The following KLHL2 variants were observed in gnomAD, a reference collection of about 807,000 sequenced individuals.
KLHL2 encodes kelch-like protein 2.
A neutral mutation model predicts 75.8 loss-of-function variants in KLHL2; 15 were observed. The observed-to-expected ratio is 0.20, with a 90% confidence interval of 0.13 to 0.30. The LOEUF is 0.30. KLHL2 is among the 10% of genes least tolerant of loss of function. The pLI, the probability that KLHL2 is intolerant of heterozygous loss-of-function variation, is 1.00. For synonymous variants in KLHL2, 214 were observed against 251.9 expected, an observed-to-expected ratio of 0.85 and a Z score of 1.42; for missense variants, 381 against 741.0, an observed-to-expected ratio of 0.51 and a Z score of 5.64.
chr4:165,284,016 C>T (rs559937097), intron 5 of KLHL2, among the ~76,000 whole-genome samples: 1 of 152,292 alleles, frequency 6.6e-6, no homozygotes, highest in African/African-American at 2.4e-5. Context: ...GGCTGGGACA[C>T]AGGGCACCGT....
chr4:165,210,284 A>G (rs1737118429), intron 1 of KLHL2: 1 of 1,122,266 alleles, frequency 8.9e-7, no homozygotes, highest in Admixed American at 2.0e-5. Context: ...TTTAACATCC[A>G]AATTTACATT....
At position 165,226,982 on chromosome 4, in the gene KLHL2, ACT is replaced by A. The variant is rs1738492023; in HGVS notation, c.153-1822_153-1821del. On this transcript the variant is annotated intron_variant, in intron 2 of 14. Coordinates refer to ENST00000226725, the MANE Select transcript of KLHL2 (RefSeq NM_007246.4). ...AAATGAAATAATACATGCAGGTAAA[ACT>A]CTTGCATAGTACCTTCCTGAAAACA... 3.3e-5 allele frequency among the ~76,000 whole-genome samples: 5 copies of A among 152,122 alleles called. No homozygotes were observed. The South Asian group carries it at 1.0e-3, about 32-fold the overall frequency.
chr4:165,253,137 C>A (rs1390522705), intron 4 of KLHL2, among the ~76,000 whole-genome samples: 1 of 152,112 alleles, frequency 6.6e-6, no homozygotes, highest in African/African-American at 2.4e-5. Context: ...TGGGTTCAGG[C>A]GATTCTCTTG....
At chr4:165,298,276 T>G (rs75975279) in intron 7 of KLHL2, among the ~76,000 whole-genome samples, 37,168 of 152,018 alleles carry the variant, frequency 0.24, 5,160 homozygotes, top group Middle Eastern at 0.34. Context: ...TTCTTTACTG[T>G]TTTTTTCTTT....
chr4:165,285,901 G>C (rs1744053005), intron 5 of KLHL2, among the ~76,000 whole-genome samples: 1 of 152,134 alleles, frequency 6.6e-6, no homozygotes, highest in South Asian at 2.1e-4. Context: ...GTCTGGAGGA[G>C]GTCACTGAAA....
chr4:165,215,133 G>A (rs1737453731), intron 1 of KLHL2, among the ~76,000 whole-genome samples: 1 of 152,138 alleles, frequency 6.6e-6, no homozygotes, highest in Non-Finnish European at 1.5e-5. Flanking sequence ...GACATGTGAA[G>A]AAAATTTGCA....
intron 14 of KLHL2, among the ~76,000 whole-genome samples, chr4:165,321,820 T>C (rs1446002881): frequency 6.6e-6 from 1 of 152,160 alleles, no homozygotes; most frequent in Non-Finnish European, 1.5e-5. Context: ...CTGGATTAAA[T>C]AGTCTTATAT....
chr4:165,297,619 C>G lies in KLHL2; in HGVS notation c.665C>G (p.Ala222Gly). Residue 222 changes from alanine (A) to glycine (G), a missense_variant, in exon 7 of 15, where the codon GCA (alanine) becomes GGA (glycine). Physicochemically the swap from Ala to Gly is moderately conservative, Grantham distance 60. Transcript: ENST00000226725. ...TISSEEKVFE[A>G]VIAWVNHDKD... ...TATATTTTCTGCAAGGTATTTGAAGCAGTAATAGCATGGGTGAACCATGAC... is the reference window on the plus strand; with the variant it reads ...TATATTTTCTGCAAGGTATTTGAAGGAGTAATAGCATGGGTGAACCATGAC... 6.2e-7 allele frequency: 1 copy of G among 1,603,350 alleles called. No homozygotes were observed. The highest frequency in any genetic ancestry group is 8.5e-7 in the Non-Finnish European group (1 of 1,170,260).
chr4:165,300,030 T>C (rs943828160), intron 8 of KLHL2, among the ~76,000 whole-genome samples: 8 of 152,188 alleles, frequency 5.3e-5, no homozygotes, highest in African/African-American at 1.9e-4. Flanking sequence ...GATTCATGCC[T>C]GTAATCCCAG....
chr4:165,316,287 G>A (rs999313780), intron 13 of KLHL2, among the ~76,000 whole-genome samples: 1 of 152,162 alleles, frequency 6.6e-6, no homozygotes, highest in African/African-American at 2.4e-5. Context: ...CCTTGTTCAT[G>A]CCTTCCATCA....
chr4:165,293,627 C>T (rs920954639), intron 5 of KLHL2, among the ~76,000 whole-genome samples: 1 of 151,462 alleles, frequency 6.6e-6, no homozygotes, highest in African/African-American at 2.4e-5. Context: ...CCTCAGCCTC[C>T]TGAGTAACTG....
chr4:165,226,731 T>G (rs574004162), intron 2 of KLHL2, among the ~76,000 whole-genome samples: 5 of 152,200 alleles, frequency 3.3e-5, no homozygotes, highest in African/African-American at 1.2e-4. Flanking sequence ...TGTCAAAAAA[T>G]AAATTATTTA....
chr4:165,225,140 T>G (rs1221898240), intron 2 of KLHL2, among the ~76,000 whole-genome samples: 2 of 152,194 alleles, frequency 1.3e-5, no homozygotes, highest in African/African-American at 4.8e-5. Flanking sequence ...GTGCCTTTCT[T>G]TATTCTGTGC....
At chr4:165,285,846 G>C (rs1414878163) in intron 5 of KLHL2, among the ~76,000 whole-genome samples, 1 of 152,222 alleles carries the variant, frequency 6.6e-6, no homozygotes, top group African/African-American at 2.4e-5. Flanking sequence ...TGGAATCAGA[G>C]TGAAGCCATT....
intron 5 of KLHL2, among the ~76,000 whole-genome samples, chr4:165,264,723 T>TATATATATATATAC (rs1742057034): frequency 1.4e-5 from 1 of 70,526 alleles, no homozygotes; most frequent in African/African-American, 5.4e-5. Context: ...TATATATACA[T>TATATATATATATAC]ATATATATAT....
intron 4 of KLHL2, among the ~76,000 whole-genome samples, chr4:165,250,643 G>A (rs960178764): frequency 3.9e-5 from 6 of 152,146 alleles, no homozygotes; most frequent in African/African-American, 9.7e-5. Flanking sequence ...CATTGAAATC[G>A]TGTAAAAATA....
At chr4:165,210,056 C>G in intron 1 of KLHL2, 2 of 1,550,868 alleles carry the variant, frequency 1.3e-6, no homozygotes, top group Non-Finnish European at 8.7e-7. Flanking sequence ...CCAGTGGAAA[C>G]TATTAGGAAG....
intron 11 of KLHL2, among the ~76,000 whole-genome samples, chr4:165,312,659 C>T (rs1267525948): frequency 3.3e-5 from 5 of 152,070 alleles, no homozygotes; most frequent in Admixed American, 3.3e-4. Flanking sequence ...CGTATCTTAC[C>T]CAACCTTCAG....
chr4:165,294,364 C>T lies in KLHL2; in HGVS notation c.550C>T (p.His184Tyr), dbSNP rs1744750009. 3 of 1,594,652 alleles carry T rather than the reference C, an allele frequency of 1.9e-6. No homozygotes were observed. The highest frequency in any genetic ancestry group is 1.3e-5 in the African/African-American group (1 of 74,644). Residue 184 changes from histidine to tyrosine, a missense_variant, in exon 6 of 15, where the codon CAT becomes TAT. Transcript: ENST00000226725. ...LNKANTYAEQ[H>Y]FADVVLSEEF... Reference sequence around the variant, plus strand: ...TCTTTTTAATTCCCAAACAGAGCAACATTTTGCAGATGTTGTACTTAGTGA... The same window carrying T: ...TCTTTTTAATTCCCAAACAGAGCAATATTTTGCAGATGTTGTACTTAGTGA...
Sources: allele counts gnomAD v4.1 joint callset (sites outside exome capture counted in the v4.1 genomes callset), GRCh38; gene constraint gnomAD v4.1.1; transcripts MANE v1.5; gene names NCBI Gene and HGNC (gene_info 2026-07-23, HGNC 2026-07-21).